Variants in DOK5 observed in about 807,000 individuals in gnomAD.
DOK5 encodes downstream of tyrosine kinase 5.
A neutral mutation model predicts 43.3 loss-of-function variants in DOK5; 27 were observed. That is an observed-to-expected ratio of 0.62 (90% CI 0.46 to 0.86). The LOEUF (loss-of-function observed/expected upper bound fraction) is 0.86, where lower values mean the gene tolerates loss of function less well. DOK5 is among the 40% of genes least tolerant of loss of function. DOK5 has a pLI of 0.00. For synonymous variants in DOK5, 146 were observed against 140.1 expected, an observed-to-expected ratio of 1.04 and a Z score of -0.30; for missense variants, 373 against 392.9, an observed-to-expected ratio of 0.95 and a Z score of 0.43.
At chr20:54,567,192 C>A (rs1985128356) in intron 2 of DOK5, among the ~76,000 whole-genome samples, 1 of 151,834 alleles carries the variant, frequency 6.6e-6, no homozygotes, top group South Asian at 2.1e-4. Context: ...TTGATGAGAC[C>A]CAATTTCTGA....
intron 1 of DOK5, among the ~76,000 whole-genome samples, chr20:54,537,724 C>T (rs1984005646): frequency 6.6e-6 from 1 of 151,676 alleles, no homozygotes; most frequent in South Asian, 2.1e-4. Context: ...CAACAGGGCC[C>T]AGAAGGAGAG....
chr20:54,641,539 T>TATCATC (rs56910547), intron 6 of DOK5, among the ~76,000 whole-genome samples: 3,192 of 128,842 alleles, frequency 0.025, 38 homozygotes, highest in Non-Finnish European at 0.038. Flanking sequence ...AATTTCTAAT[T>TATCATC]ATCATCATCA....
At chr20:54,485,854 A>G (rs779138671) in intron 1 of DOK5, among the ~76,000 whole-genome samples, 2 of 152,172 alleles carry the variant, frequency 1.3e-5, no homozygotes, top group Non-Finnish European at 2.9e-5. Context: ...CCATTCTTCT[A>G]GATGTGTCGT....
intron 6 of DOK5, among the ~76,000 whole-genome samples, chr20:54,641,793 C>A (rs2146828789): frequency 6.6e-6 from 1 of 152,240 alleles, no homozygotes; most frequent in South Asian, 2.1e-4. Flanking sequence ...TCATGTAAAT[C>A]TTCCATCTTT....
chr20:54,514,701 G>A (rs1262103981), intron 1 of DOK5, among the ~76,000 whole-genome samples: 2 of 148,772 alleles, frequency 1.3e-5, no homozygotes, highest in Non-Finnish European at 3.0e-5. Context: ...TTGAGGTCAT[G>A]TAAAACTGAT....
intron 1 of DOK5, among the ~76,000 whole-genome samples, chr20:54,501,331 G>A (rs1982592006): frequency 6.6e-6 from 1 of 151,826 alleles, no homozygotes; most frequent in African/African-American, 2.4e-5. Context: ...GCTGGGCGTG[G>A]TGGTGGGCGC....
chr20:54,593,203 G>T (rs1454705038), intron 5 of DOK5, among the ~76,000 whole-genome samples: 3 of 151,584 alleles, frequency 2.0e-5, no homozygotes, highest in African/African-American at 7.3e-5. Flanking sequence ...GCTTGCAGTG[G>T]GCTGAGATCA....
intron 1 of DOK5, chr20:54,495,275 G>A (rs1348360783): frequency 6.6e-6 from 1 of 152,138 alleles, no homozygotes; most frequent in Non-Finnish European, 1.5e-5. Flanking sequence ...TGTTACTTTA[G>A]CTTTTCTTGC....
rs750143945 is a variant in DOK5, at chr20:54,644,722, A to ACAAACAAAAAAAAAAC, written c.856+1144_856+1145insCAAACAAAAAAAAAAC. Among the ~76,000 whole-genome samples the ACAAACAAAAAAAAAAC allele has an allele frequency of 2.7e-3, 400 of 146,614 alleles. 2 individuals carry two copies. Among genetic ancestry groups the ACAAACAAAAAAAAAAC allele is most frequent in the African/African-American group, 9.8e-3 (385 of 39,306 alleles). On this transcript the variant is annotated intron_variant, in intron 7 of 7. Coordinates refer to ENST00000262593, the MANE Select transcript of DOK5 (RefSeq NM_018431.5). ...CTCCGTCTCAAAAAAAAAAAAAAAAAAACAAAATTTAGCTGGGCGTGGTGG... is the reference window on the plus strand; with the variant it reads ...CTCCGTCTCAAAAAAAAAAAAAAAAACAAACAAAAAAAAAACAACAAAATTTAGCTGGGCGTGGTGG...
At chr20:54,489,695 C>A (rs537776048) in intron 1 of DOK5, among the ~76,000 whole-genome samples, 2 of 152,206 alleles carry the variant, frequency 1.3e-5, no homozygotes, top group Admixed American at 1.3e-4. Flanking sequence ...GGCCAGCTCA[C>A]ACAGCCTTAT....
rs1331799046 is a variant in DOK5, at chr20:54,651,091, A to AC, written c.*618dup. 6.6e-6 allele frequency: 1 copy of AC among 151,870 alleles called. No homozygotes were observed. The highest frequency in any genetic ancestry group is 1.5e-5 in the Non-Finnish European group (1 of 67,992). The allele number at this position is 151,870 out of a possible 1,614,324, so 9.4% of individuals were successfully genotyped here. On this transcript the variant is annotated 3_prime_UTR_variant, in exon 8 of 8. Transcript: ENST00000262593. ...TCTCACATGCTTTCCTCACCCCTTTACCCCCCTTTTTGAAAGCCTTTATTT... is the reference window on the plus strand; with the variant it reads ...TCTCACATGCTTTCCTCACCCCTTTACCCCCCCTTTTTGAAAGCCTTTATTT...
At chr20:54,529,445 C>T (rs1046633106) in intron 1 of DOK5, among the ~76,000 whole-genome samples, 2 of 151,790 alleles carry the variant, frequency 1.3e-5, no homozygotes, top group African/African-American at 4.8e-5. Flanking sequence ...TCAATAAATG[C>T]AAGATGAGGA....
rs937510176 is a variant in DOK5 at position 54,620,057 on chromosome 20, T to G, written c.735+9534T>G. Among the ~76,000 whole-genome samples, 68 of 152,324 alleles carry G rather than the reference T, an allele frequency of 4.5e-4. 2 individuals carry two copies. The East Asian group carries it at 0.013, about 29-fold the overall frequency. On this transcript the variant is annotated intron_variant, in intron 6 of 7. Transcript: ENST00000262593. ...TAATTGGGTTAACTTATGGATTTTT[T>G]AAAATGTGCTGCTTAAAGCAATTAT... is the stretch of plus-strand genomic sequence containing the variant.
intron 6 of DOK5, among the ~76,000 whole-genome samples, chr20:54,630,617 A>AT (rs1284488638): frequency 1.3e-5 from 2 of 152,178 alleles, no homozygotes; most frequent in Non-Finnish European, 2.9e-5. Context: ...GTCTCTGTGA[A>AT]TCTGTTTAGA....
At chr20:54,644,835 T>G in intron 7 of DOK5, among the ~76,000 whole-genome samples, 1 of 150,244 alleles carries the variant, frequency 6.7e-6, no homozygotes, top group East Asian at 2.0e-4. Context: ...ACCATTGCAC[T>G]CCAGCCTGGG....
At chr20:54,482,061 T>A (rs762333251) in intron 1 of DOK5, among the ~76,000 whole-genome samples, 34 of 152,330 alleles carry the variant, frequency 2.2e-4, no homozygotes, top group Non-Finnish European at 4.1e-4. Flanking sequence ...GAAAACAAAC[T>A]TAGTACAAGT....
At chr20:54,611,967 C>T (rs1986665182) in intron 6 of DOK5, among the ~76,000 whole-genome samples, 1 of 152,212 alleles carries the variant, frequency 6.6e-6, no homozygotes, top group Non-Finnish European at 1.5e-5. Flanking sequence ...TGTGGACTAA[C>T]ATGGCCTGCA....
intron 1 of DOK5, among the ~76,000 whole-genome samples, chr20:54,538,569 C>T (rs577440826): frequency 1.7e-4 from 26 of 152,296 alleles, no homozygotes; most frequent in African/African-American, 6.3e-4. Context: ...AAACACAATA[C>T]GTTTTCCTTC....
chr20:54,541,093 A>G (rs1187149874), intron 1 of DOK5, among the ~76,000 whole-genome samples: 1 of 151,758 alleles, frequency 6.6e-6, no homozygotes, highest in African/African-American at 2.4e-5. Context: ...GCTAATGAAA[A>G]CTCCATTCTC....
Sources: allele counts gnomAD v4.1 joint callset (sites outside exome capture counted in the v4.1 genomes callset), GRCh38; gene constraint gnomAD v4.1.1; transcripts MANE v1.5; gene names NCBI Gene and HGNC (gene_info 2026-07-23, HGNC 2026-07-21).